Variants in RHBDD1 observed in about 807,000 individuals in gnomAD.
RHBDD1 encodes rhomboid domain containing 1.
A neutral mutation model predicts 36.3 loss-of-function variants in RHBDD1; 38 were observed. That is an observed-to-expected ratio of 1.05 (90% CI 0.81 to 1.37). The LOEUF is 1.37. Among genes scored for constraint, RHBDD1 ranks in the 40% most tolerant of loss-of-function variants. The probability of loss-of-function intolerance (pLI) is 0.00; values close to 1 mark genes in which losing one functional copy is unlikely to be tolerated. For synonymous variants in RHBDD1, 151 were observed against 136.5 expected (o/e 1.11, Z -0.74); for missense variants, 393 against 377.6 (o/e 1.04, Z -0.34).
rs1166212151 is a variant in RHBDD1 at position 226,856,667 on chromosome 2, G to T, written c.-90-7937G>T. On this transcript the variant is annotated intron_variant, in intron 3 of 8. Transcript: ENST00000392062. Reference sequence around the variant, plus strand: ...ATTCCTAGAGAAAGATGACTATAATGAAACAAAATAAGAGAGAAAAAAATG... The same window carrying T: ...ATTCCTAGAGAAAGATGACTATAATTAAACAAAATAAGAGAGAAAAAAATG... 2.0e-5 allele frequency among the ~76,000 whole-genome samples: 3 copies of T among 152,040 alleles called. No homozygotes were observed. The East Asian group carries it at 5.8e-4, about 29-fold the overall frequency.
the RHBDD1 span, among the ~76,000 whole-genome samples, chr2:226,812,541 C>T: frequency 5.9e-5 from 9 of 152,240 alleles, no homozygotes; most frequent in African/African-American, 1.9e-4. Context: ...TACGCATAGC[C>T]GTGGAAGATA....
At chr2:226,904,974 C>G (rs1201105470) in intron 5 of RHBDD1, among the ~76,000 whole-genome samples, 2 of 152,108 alleles carry the variant, frequency 1.3e-5, no homozygotes, top group African/African-American at 2.4e-5. Flanking sequence ...GCCATTTACT[C>G]AACATATCCT....
At chr2:226,886,621 G>C (rs916617204) in intron 5 of RHBDD1, among the ~76,000 whole-genome samples, 2 of 152,058 alleles carry the variant, frequency 1.3e-5, no homozygotes, top group East Asian at 3.9e-4. Flanking sequence ...TAAAAATACA[G>C]AATTTTATAG....
intron 7 of RHBDD1, among the ~76,000 whole-genome samples, chr2:226,909,889 C>T (rs1348572997): frequency 6.6e-6 from 1 of 152,204 alleles, no homozygotes; most frequent in Non-Finnish European, 1.5e-5. Context: ...ACCACTATAG[C>T]TTAAAGCTGA....
At chr2:226,875,910 T>C (rs913641776) in intron 5 of RHBDD1, among the ~76,000 whole-genome samples, 1 of 152,218 alleles carries the variant, frequency 6.6e-6, no homozygotes, top group Non-Finnish European at 1.5e-5. Flanking sequence ...AAGGGCACAG[T>C]GCACATGAAC....
intron 8 of RHBDD1, among the ~76,000 whole-genome samples, chr2:226,962,880 G>A (rs1037438093): frequency 3.9e-5 from 6 of 152,156 alleles, no homozygotes; most frequent in African/African-American, 1.2e-4. Context: ...CCAAAGTTGA[G>A]CCCTCTTCTC....
At chr2:226,855,337 A>T (rs1468956677) in intron 3 of RHBDD1, among the ~76,000 whole-genome samples, 1 of 152,196 alleles carries the variant, frequency 6.6e-6, no homozygotes, top group Non-Finnish European at 1.5e-5. Flanking sequence ...GCAAGACCCC[A>T]TCTCTACAAA....
chr2:226,841,867 G>C (rs777379155), intron 3 of RHBDD1, among the ~76,000 whole-genome samples: 3 of 152,102 alleles, frequency 2.0e-5, no homozygotes, highest in Non-Finnish European at 4.4e-5. Context: ...TTGAGGAATC[G>C]CCAGTCTGTC....
At chr2:226,837,096 C>T (rs1941061317) in intron 1 of RHBDD1, among the ~76,000 whole-genome samples, 1 of 152,062 alleles carries the variant, frequency 6.6e-6, no homozygotes, top group Admixed American at 6.5e-5. Context: ...GAATTAATGG[C>T]GTAGTGATAA....
At chr2:226,903,589 G>T (rs1291456779) in intron 5 of RHBDD1, among the ~76,000 whole-genome samples, 2 of 152,212 alleles carry the variant, frequency 1.3e-5, no homozygotes, top group East Asian at 3.9e-4. Context: ...TACTATTCTT[G>T]CCAGAAAATG....
At chr2:226,975,133 C>G (rs1954330218) in intron 8 of RHBDD1, among the ~76,000 whole-genome samples, 1 of 152,110 alleles carries the variant, frequency 6.6e-6, no homozygotes, top group Non-Finnish European at 1.5e-5. Context: ...CAGATCTGAG[C>G]TCTCCTAGGG....
the RHBDD1 span, among the ~76,000 whole-genome samples, chr2:226,801,474 A>C: frequency 6.6e-5 from 10 of 152,346 alleles, no homozygotes; most frequent in African/African-American, 2.4e-4. Flanking sequence ...GGGCATCTGC[A>C]GAGGGGCTCC....
At chr2:226,978,675 G>A (rs770651443) in intron 8 of RHBDD1, among the ~76,000 whole-genome samples, 1 of 152,170 alleles carries the variant, frequency 6.6e-6, no homozygotes, top group African/African-American at 2.4e-5. Context: ...GAGAATGCAC[G>A]CTGTCAAAAT....
intron 8 of RHBDD1, among the ~76,000 whole-genome samples, chr2:226,979,490 A>G (rs1182566182): frequency 6.6e-6 from 1 of 151,958 alleles, no homozygotes; most frequent in Non-Finnish European, 1.5e-5. Flanking sequence ...ACCCCACCCC[A>G]TCCTCCCATT....
intron 8 of RHBDD1, among the ~76,000 whole-genome samples, chr2:226,914,844 T>TAA (rs1446004381): frequency 8.5e-5 from 13 of 152,148 alleles, no homozygotes; most frequent in African/African-American, 3.1e-4. Context: ...TGAACAGGCT[T>TAA]TCCAGGAGAT....
the RHBDD1 span, among the ~76,000 whole-genome samples, chr2:226,811,702 T>C: frequency 5.3e-5 from 8 of 152,256 alleles, no homozygotes; most frequent in Non-Finnish European, 1.0e-4. Context: ...GAATGATTTT[T>C]CTGGACATTC....
At position 226,914,843 on chromosome 2, in the gene RHBDD1, T is replaced by G. The variant is rs888653783; in HGVS notation, c.856+492T>G. Among the ~76,000 whole-genome samples, 3 of 152,162 alleles carry G rather than the reference T, an allele frequency of 2.0e-5. No homozygotes were observed. In the East Asian group the frequency reaches 5.8e-4, roughly 29 times the overall value. On this transcript the variant is annotated intron_variant, in intron 8 of 8. Coordinates refer to ENST00000392062, the MANE Select transcript of RHBDD1 (RefSeq NM_001167608.3). ...CTAGAAATTTGTGTTTTGAACAGGC[T>G]TTCCAGGAGATTCTTTTATAAACCG...
At chr2:226,856,031 A>G (rs1254448755) in intron 3 of RHBDD1, among the ~76,000 whole-genome samples, 3 of 152,334 alleles carry the variant, frequency 2.0e-5, no homozygotes, top group Admixed American at 1.3e-4. Context: ...ATGTGCAACT[A>G]GTCATCAAAT....
At chr2:226,950,474 G>T (rs1444992309) in intron 8 of RHBDD1, among the ~76,000 whole-genome samples, 2 of 152,052 alleles carry the variant, frequency 1.3e-5, no homozygotes, top group Non-Finnish European at 2.9e-5. Flanking sequence ...TTGATTACTG[G>T]CTATTGTGAA....
Sources: gnomAD v4.1 joint callset for allele counts (sites outside exome capture counted in the v4.1 genomes callset) on GRCh38, gnomAD v4.1.1 for gene constraint, MANE v1.5 for transcripts, NCBI Gene and HGNC (gene_info 2026-07-23, HGNC 2026-07-21) for gene names.